DCLK1: variants seen among roughly 807,000 people sequenced by gnomAD.
DCLK1 encodes doublecortin like kinase 1.
Under a neutral mutation model 86.2 loss-of-function variants are expected in DCLK1, and 16 were observed. The observed-to-expected ratio is 0.19, with a 90% CI of 0.13 to 0.28. DCLK1 has a LOEUF of 0.28. Ranked by LOEUF, DCLK1 falls within the 10% of genes least tolerant of loss-of-function variation. The pLI is 1.00. For synonymous variants in DCLK1, 369 were observed against 370.5 expected (o/e 1.00, Z 0.05); for missense variants, 590 against 940.2 (o/e 0.63, Z 4.87).
intron 15 of DCLK1, among the ~76,000 whole-genome samples, chr13:35,804,179 G>A (rs777627733): frequency 6.6e-6 from 1 of 152,132 alleles, no homozygotes; most frequent in African/African-American, 2.4e-5. Context: ...CACCCAGGCT[G>A]GAGTGCAGTG....
intron 4 of DCLK1, among the ~76,000 whole-genome samples, chr13:35,920,445 T>G (rs970428883): frequency 1.3e-5 from 2 of 152,188 alleles, no homozygotes; most frequent in African/African-American, 4.8e-5. Context: ...GTAAAATGAA[T>G]AGCAAAACCA....
chr13:36,074,623 A>G (rs1219580753), intron 3 of DCLK1, among the ~76,000 whole-genome samples: 1 of 152,150 alleles, frequency 6.6e-6, no homozygotes, highest in Non-Finnish European at 1.5e-5. Context: ...AGAGTTGAGG[A>G]CAAAGATGCT....
chr13:35,833,756 G>T (rs943222), intron 8 of DCLK1, among the ~76,000 whole-genome samples: 24,922 of 152,128 alleles, frequency 0.16, 2,556 homozygotes, highest in Admixed American at 0.28. Flanking sequence ...TTCTTAGCTC[G>T]CTTTTTATTT....
intron 3 of DCLK1, among the ~76,000 whole-genome samples, chr13:35,995,786 A>T (rs1333306860): frequency 6.6e-6 from 1 of 152,186 alleles, no homozygotes; most frequent in East Asian, 1.9e-4. Flanking sequence ...TTTTACCATA[A>T]ATCTTTGTTT....
At chr13:35,859,207 G>A (rs9574752) in intron 5 of DCLK1, among the ~76,000 whole-genome samples, 1 of 152,188 alleles carries the variant, frequency 6.6e-6, no homozygotes, top group Non-Finnish European at 1.5e-5. Context: ...TTGTTAAACA[G>A]CCAAGCAGGG....
intron 3 of DCLK1, among the ~76,000 whole-genome samples, chr13:36,100,527 A>C (rs1177821078): frequency 6.6e-6 from 1 of 152,198 alleles, no homozygotes; most frequent in Non-Finnish European, 1.5e-5. Flanking sequence ...AACCAACGAC[A>C]GAAACGAACC....
In DCLK1 at chr13:35,788,277, G is replaced by A. The variant is rs771114419; in HGVS notation, c.2058+5089C>T. 14 of 1,613,794 alleles carry A rather than the reference G, an allele frequency of 8.7e-6. No homozygotes were observed. The East Asian group carries it at 8.9e-5, about 10-fold the overall frequency. On this transcript the variant is annotated intron_variant, in intron 16 of 16. Coordinates refer to ENST00000360631, the MANE Select transcript of DCLK1 (RefSeq NM_001330071.2). ...ACCCTGATCTCTTGATGGTAAACCC[G>A]TGGTCCAGCTGAGCAGAGAGAAATG...
chr13:36,017,146 A>G (rs1339412446), intron 3 of DCLK1, among the ~76,000 whole-genome samples: 1 of 152,228 alleles, frequency 6.6e-6, no homozygotes, highest in Non-Finnish European at 1.5e-5. Context: ...CATTTTTAGA[A>G]ATAATAAAAA....
chr13:35,826,820 G>GCC (rs1425637107), intron 10 of DCLK1, among the ~76,000 whole-genome samples: 1 of 152,010 alleles, frequency 6.6e-6, no homozygotes, highest in Non-Finnish European at 1.5e-5. Context: ...AGCCTGAGGC[G>GCC]CCCCCTGGCG....
At chr13:36,090,787 G>C (rs1884790358) in intron 3 of DCLK1, among the ~76,000 whole-genome samples, 1 of 151,346 alleles carries the variant, frequency 6.6e-6, no homozygotes, top group Non-Finnish European at 1.5e-5. Context: ...AAAGCTCAGA[G>C]AAACAGCAGG....
chr13:35,971,600 T>C (rs1467938603), intron 3 of DCLK1, among the ~76,000 whole-genome samples: 2 of 152,050 alleles, frequency 1.3e-5, no homozygotes, highest in Middle Eastern at 3.2e-3. Flanking sequence ...CTGTCTCTAC[T>C]GAAAATACAA....
chr13:35,850,653 A>G, intron 6 of DCLK1: 1 of 1,465,078 alleles, frequency 6.8e-7, no homozygotes, highest in Non-Finnish European at 9.1e-7. Context: ...TTGCTGTAAG[A>G]CTTTTGCTTC....
chr13:36,002,060 C>T (rs928605651), intron 3 of DCLK1, among the ~76,000 whole-genome samples: 4 of 152,172 alleles, frequency 2.6e-5, no homozygotes, highest in Non-Finnish European at 4.4e-5. Flanking sequence ...AACAACTCTA[C>T]TCACAAGGCC....
At chr13:35,996,104 T>A (rs1410725974) in intron 3 of DCLK1, among the ~76,000 whole-genome samples, 2 of 152,166 alleles carry the variant, frequency 1.3e-5, no homozygotes, top group Non-Finnish European at 2.9e-5. Context: ...AATTTTTGTA[T>A]TTTTAGTAGA....
rs892946040 is a variant in DCLK1 at position 35,777,749 on chromosome 13, A to G, written c.2059-3050T>C. Among the ~76,000 whole-genome samples the G allele has an allele frequency of 3.9e-5, 6 of 152,258 alleles. No individual in the cohort carries two copies. In the South Asian group the frequency reaches 1.2e-3, roughly 32 times the overall value. Reference sequence around the variant, plus strand: ...CAGGTCCTCATAATATTCTCAAACCAGCATTGAGGATTCCCAACTGACCTG... The same window carrying G: ...CAGGTCCTCATAATATTCTCAAACCGGCATTGAGGATTCCCAACTGACCTG... On this transcript the variant is annotated intron_variant, in intron 16 of 16. Coordinates refer to ENST00000360631, the MANE Select transcript of DCLK1 (RefSeq NM_001330071.2).
At chr13:36,126,686 T>C (rs1428948796) in intron 1 of DCLK1, among the ~76,000 whole-genome samples, 2 of 152,114 alleles carry the variant, frequency 1.3e-5, no homozygotes, top group Admixed American at 6.5e-5. Context: ...TCCCACAAAA[T>C]AAACACAGGC....
chr13:35,943,476 G>A (rs900022446), intron 4 of DCLK1, among the ~76,000 whole-genome samples: 6 of 152,122 alleles, frequency 3.9e-5, no homozygotes, highest in African/African-American at 1.2e-4. Context: ...TGAAGGTAAC[G>A]CCTATTAACA....
intron 16 of DCLK1, among the ~76,000 whole-genome samples, chr13:35,782,127 A>G (rs1349770953): frequency 6.6e-6 from 1 of 152,122 alleles, no homozygotes; most frequent in Non-Finnish European, 1.5e-5. Flanking sequence ...CTTAAATATT[A>G]TTCCCCATTT....
intron 4 of DCLK1, among the ~76,000 whole-genome samples, chr13:35,902,948 A>G (rs1412208650): frequency 5.3e-5 from 8 of 152,186 alleles, no homozygotes; most frequent in African/African-American, 1.9e-4. Context: ...CATTCAAACA[A>G]TTAAATAATA....
Sources: allele counts gnomAD v4.1 joint callset (sites outside exome capture counted in the v4.1 genomes callset), GRCh38; gene constraint gnomAD v4.1.1; transcripts MANE v1.5; gene names NCBI Gene and HGNC (gene_info 2026-07-23, HGNC 2026-07-21).